TRERF1: variants seen among roughly 807,000 people sequenced by gnomAD.
The protein encoded by TRERF1 is transcriptional regulating factor 1, also known as transcriptional-regulating factor 1.
A neutral mutation model predicts 122.9 loss-of-function variants in TRERF1; 27 were observed. That is an observed-to-expected ratio of 0.22 (90% CI 0.16 to 0.30). The LOEUF (loss-of-function observed/expected upper bound fraction) is 0.30. Among genes scored for constraint, TRERF1 ranks in the 10% least tolerant of loss-of-function variants. TRERF1 has a pLI of 1.00. For synonymous variants in TRERF1, 636 were observed against 641.7 expected (o/e 0.99, Z 0.13); for missense variants, 1,248 against 1,560.3 (o/e 0.80, Z 3.37).
intron 4 of TRERF1, among the ~76,000 whole-genome samples, chr6:42,284,666 G>GAACA (rs1223344862): frequency 1.4e-4 from 22 of 152,324 alleles, no homozygotes; most frequent in African/African-American, 4.3e-4. Context: ...TACATTTGTG[G>GAACA]GAGTGGGTGC....
intron 2 of TRERF1, among the ~76,000 whole-genome samples, chr6:42,400,891 T>C (rs1022379921): frequency 6.6e-6 from 1 of 152,194 alleles, no homozygotes; most frequent in Non-Finnish European, 1.5e-5. Flanking sequence ...TTGACAGGTC[T>C]TGCTCCCAAG....
chr6:42,362,296 T>C (rs1771916134), intron 3 of TRERF1, among the ~76,000 whole-genome samples: 1 of 152,130 alleles, frequency 6.6e-6, no homozygotes, highest in South Asian at 2.1e-4. Context: ...ATGGAAAGCG[T>C]GGCACATGCC....
chr6:42,355,431 T>C (rs1390516544), intron 3 of TRERF1, among the ~76,000 whole-genome samples: 1 of 152,226 alleles, frequency 6.6e-6, no homozygotes, highest in African/African-American at 2.4e-5. Flanking sequence ...ACATACTCTA[T>C]TGTTGAAATC....
Position 42,232,823 on chromosome 6 carries a change from C to T in TRERF1, c.3136G>A (p.Ala1046Thr). 6.2e-7 allele frequency: 1 copy of T among 1,612,542 alleles called. No individual in the cohort carries two copies. Among genetic ancestry groups the T allele is most frequent in the Non-Finnish European group, 8.5e-7 (1 of 1,179,330 alleles). ...TTCCCAGAGGGGATGGCACCTCGGG[C>T]CTTGGTCACCTGGTTGGTGCCCCCG... Residue 1046 changes from alanine (A) to threonine (T), a missense_variant, in exon 17 of 18, where the codon GCC becomes ACC. Transcript: ENST00000372922. This position sits in a 1 kb window ranked among gnomAD's most constrained non-coding sequence, Gnocchi z 4.5.
chr6:42,436,614 G>C (rs1785406905), intron 2 of TRERF1, among the ~76,000 whole-genome samples: 1 of 151,510 alleles, frequency 6.6e-6, no homozygotes, highest in Non-Finnish European at 1.5e-5. Flanking sequence ...TTCAAATCCA[G>C]GCAGTCTGAC....
chr6:42,436,820 T>C (rs889627251), intron 2 of TRERF1, among the ~76,000 whole-genome samples: 1 of 125,368 alleles, frequency 8.0e-6, no homozygotes, highest in Non-Finnish European at 1.6e-5. Context: ...AAAAAATATA[T>C]ATATATATAT....
chr6:42,258,178 T>C lies in TRERF1; in HGVS notation c.2293A>G (p.Thr765Ala), dbSNP rs758468828. 9 of 1,614,218 alleles carry C rather than the reference T, an allele frequency of 5.6e-6. No homozygotes were observed. In the Admixed American group the frequency reaches 1.3e-4, roughly 24 times the overall value. The change falls in exon 10 of 18, where the codon ACG (threonine) becomes GCG (alanine). Residue 765 changes from threonine (T) to alanine (A), a missense_variant. This residue lies in a region of TRERF1 where 946 missense variants were observed against 1,073.0 expected (regional missense o/e 0.88). Coordinates refer to ENST00000372922, the Ensembl canonical transcript of TRERF1. ...TGCTCTCCAGGCCCTGGGGTGACCGTCACGTTGCTGCCATCGATGCTGTCT... is the reference window on the plus strand; with the variant it reads ...TGCTCTCCAGGCCCTGGGGTGACCGCCACGTTGCTGCCATCGATGCTGTCT...
intron 9 of TRERF1, among the ~76,000 whole-genome samples, chr6:42,258,546 A>C (rs1046785566): frequency 1.3e-5 from 2 of 152,216 alleles, no homozygotes; most frequent in Non-Finnish European, 2.9e-5. Context: ...CTTGCATGTA[A>C]TACCTAATCT....
intron 8 of TRERF1, among the ~76,000 whole-genome samples, chr6:42,260,448 C>T (rs1011575108): frequency 1.3e-5 from 2 of 152,138 alleles, no homozygotes; most frequent in Non-Finnish European, 2.9e-5. Flanking sequence ...CAAGCATAGT[C>T]TGGAAGGAGG....
intron 2 of TRERF1, among the ~76,000 whole-genome samples, chr6:42,418,203 CTTT>C (rs1162408150): frequency 4.3e-5 from 2 of 46,014 alleles, no homozygotes; most frequent in Non-Finnish European, 9.8e-5. Flanking sequence ...TTCTCTCCTT[CTTT>C]CTTTTTCTTT....
chr6:42,328,092 G>A (rs1764620474), intron 3 of TRERF1, among the ~76,000 whole-genome samples: 1 of 142,480 alleles, frequency 7.0e-6, no homozygotes, highest in Admixed American at 7.4e-5. Flanking sequence ...TGCAACCTCC[G>A]CCTCCCGGGT....
At chr6:42,244,140 C>G (rs1421444636) in intron 14 of TRERF1, among the ~76,000 whole-genome samples, 1 of 152,108 alleles carries the variant, frequency 6.6e-6, no homozygotes, top group African/African-American at 2.4e-5. Flanking sequence ...CTGGGCCTCC[C>G]AAATTGCTGG....
At chr6:42,445,601 T>C (rs1349493859) in intron 2 of TRERF1, among the ~76,000 whole-genome samples, 1 of 152,106 alleles carries the variant, frequency 6.6e-6, no homozygotes, top group African/African-American at 2.4e-5. Context: ...CTAAAATATC[T>C]TGATTCTGCC....
intron 2 of TRERF1, among the ~76,000 whole-genome samples, chr6:42,400,801 AAT>A (rs1779273937): frequency 1.3e-5 from 2 of 152,178 alleles, no homozygotes; most frequent in Non-Finnish European, 2.9e-5. Context: ...CCCAATGTCA[AAT>A]AGTCTGTCAC....
At chr6:42,321,376 T>C (rs1763423545) in intron 3 of TRERF1, among the ~76,000 whole-genome samples, 3 of 151,038 alleles carry the variant, frequency 2.0e-5, no homozygotes, top group South Asian at 4.2e-4. Flanking sequence ...AAGGGATATA[T>C]AAAATACCCA....
intron 2 of TRERF1, among the ~76,000 whole-genome samples, chr6:42,412,069 C>T (rs376782659): frequency 2.1e-5 from 3 of 140,546 alleles, no homozygotes; most frequent in Admixed American, 7.8e-5. Flanking sequence ...GGTGCGATCT[C>T]GGCTCACCAC....
exon 12 of TRERF1, chr6:42,256,745 C>T (rs760555047): frequency 2.5e-6 from 4 of 1,614,124 alleles, no homozygotes; most frequent in Non-Finnish European, 3.4e-6. Context: ...TCACCTTTGG[C>T]CTCAAACAGA....
At chr6:42,277,467 G>GGGACT (rs1781353545) in intron 4 of TRERF1, among the ~76,000 whole-genome samples, 1 of 152,182 alleles carries the variant, frequency 6.6e-6, no homozygotes, top group African/African-American at 2.4e-5. Flanking sequence ...TAAAGATACA[G>GGGACT]GTTTGTCCCG....
intron 2 of TRERF1, among the ~76,000 whole-genome samples, chr6:42,388,820 T>C (rs1232102335): frequency 4.6e-5 from 7 of 152,204 alleles, no homozygotes; most frequent in Admixed American, 3.9e-4. Context: ...GTCCAGCTTA[T>C]GGCTTCCATG....
Sources: allele counts gnomAD v4.1 joint callset (sites outside exome capture counted in the v4.1 genomes callset), GRCh38; gene constraint gnomAD v4.1.1; regional missense constraint gnomAD v4.1.1; non-coding constraint Gnocchi (gnomAD v3.1); transcripts MANE v1.5; gene names NCBI Gene and HGNC (gene_info 2026-07-23, HGNC 2026-07-21).